GALNTL6: variants seen among roughly 807,000 people sequenced by gnomAD.
The protein encoded by GALNTL6 is polypeptide N-acetylgalactosaminyltransferase like 6, also known as polypeptide N-acetylgalactosaminyltransferase-like 6.
A neutral mutation model predicts 73.7 loss-of-function variants in GALNTL6; 46 were observed. The ratio of observed to expected loss-of-function variants is 0.62; its 90% CI spans 0.49 to 0.80. The LOEUF (loss-of-function observed/expected upper bound fraction) is 0.80, where lower values mean the gene tolerates loss of function less well. Ranked by LOEUF, GALNTL6 falls within the 30% of genes least tolerant of loss-of-function variation. The pLI, the probability that GALNTL6 is intolerant of heterozygous loss-of-function variation, is 0.00. For missense variants in GALNTL6, 604 were observed against 755.0 expected (o/e 0.80, Z 2.34); for synonymous variants, 259 against 263.7 (o/e 0.98, Z 0.17).
intron 5 of GALNTL6, among the ~76,000 whole-genome samples, chr4:172,807,995 G>A (rs1741068068): frequency 6.6e-6 from 1 of 151,994 alleles, no homozygotes; most frequent in Non-Finnish European, 1.5e-5. Flanking sequence ...GCTAATTTTT[G>A]TATTTTTAGT....
In GALNTL6 at chr4:172,650,005, G is replaced by A. The variant is rs139895103; in HGVS notation, c.554-159356G>A. Among the ~76,000 whole-genome samples the A allele has an allele frequency of 1.2e-4, 19 of 152,260 alleles. 1 individual carries two copies. In the East Asian group the frequency reaches 3.7e-3, roughly 29 times the overall value. On this transcript the variant is annotated intron_variant, in intron 5 of 12. Coordinates refer to ENST00000506823, the MANE Select transcript of GALNTL6 (RefSeq NM_001034845.3). ...ATTTGTGTTTTATTAAGCATCCTAGGTACAGAGGTATTCAGCAGAAGAAAG... is the reference window on the plus strand; with the variant it reads ...ATTTGTGTTTTATTAAGCATCCTAGATACAGAGGTATTCAGCAGAAGAAAG...
intron 5 of GALNTL6, among the ~76,000 whole-genome samples, chr4:172,616,821 A>G (rs1738753843): frequency 6.6e-6 from 1 of 152,090 alleles, no homozygotes; most frequent in Non-Finnish European, 1.5e-5. Context: ...CTGAATCTTC[A>G]TGAGTTTCTT....
intron 2 of GALNTL6, among the ~76,000 whole-genome samples, chr4:172,130,020 T>C (rs1733442311): frequency 6.6e-6 from 1 of 152,084 alleles, no homozygotes; most frequent in Non-Finnish European, 1.5e-5. Flanking sequence ...AAGTAAACTA[T>C]GTGTGTGTTC....
chr4:172,826,743 T>A (rs1234553205), intron 7 of GALNTL6, among the ~76,000 whole-genome samples: 1 of 152,176 alleles, frequency 6.6e-6, no homozygotes, highest in African/African-American at 2.4e-5. Context: ...GAATCTCAGG[T>A]CACTGGACAG....
chr4:171,979,383 A>G (rs1458355453), intron 2 of GALNTL6, among the ~76,000 whole-genome samples: 2 of 152,204 alleles, frequency 1.3e-5, no homozygotes, highest in Non-Finnish European at 2.9e-5. Flanking sequence ...ATGATAGACA[A>G]AATGTGAAAG....
At chr4:172,178,744 C>A (rs1445014740) in intron 2 of GALNTL6, among the ~76,000 whole-genome samples, 1 of 130,338 alleles carries the variant, frequency 7.7e-6, no homozygotes, top group South Asian at 2.6e-4. Context: ...CATGCTGGTG[C>A]GCTGCACCCA....
intron 5 of GALNTL6, among the ~76,000 whole-genome samples, chr4:172,626,310 G>A (rs1215141109): frequency 6.6e-6 from 1 of 151,988 alleles, no homozygotes; most frequent in African/African-American, 2.4e-5. Context: ...AGACTTAGTT[G>A]CAGATCAGAT....
At chr4:171,851,527 A>G (rs770652127) in intron 2 of GALNTL6, among the ~76,000 whole-genome samples, 39 of 152,194 alleles carry the variant, frequency 2.6e-4, no homozygotes, top group Non-Finnish European at 4.0e-4. Flanking sequence ...TGCAGGATGA[A>G]AAAAGCAATA....
chr4:172,803,878 T>C (rs1036810150), intron 5 of GALNTL6, among the ~76,000 whole-genome samples: 5 of 152,200 alleles, frequency 3.3e-5, no homozygotes, highest in African/African-American at 9.7e-5. Flanking sequence ...TTCTGTTCCT[T>C]TCTTAGATGG....
chr4:171,965,585 A>G (rs1472040637), intron 2 of GALNTL6, among the ~76,000 whole-genome samples: 1 of 149,104 alleles, frequency 6.7e-6, no homozygotes, highest in Non-Finnish European at 1.5e-5. Context: ...GAACCTGGGA[A>G]GCAGAGCTTG....
intron 5 of GALNTL6, among the ~76,000 whole-genome samples, chr4:172,695,090 G>C (rs755595657): frequency 7.9e-5 from 12 of 152,190 alleles, no homozygotes; most frequent in Non-Finnish European, 1.3e-4. Context: ...ATAGTATATA[G>C]TGTGTCCATC....
chr4:171,960,188 T>C (rs995823129), intron 2 of GALNTL6, among the ~76,000 whole-genome samples: 1 of 152,226 alleles, frequency 6.6e-6, no homozygotes, highest in Admixed American at 6.5e-5. Context: ...GCACTGCCTC[T>C]AACATCAGGG....
chr4:172,424,253 T>C lies in GALNTL6; in HGVS notation c.553+75564T>C, dbSNP rs554722117. On this transcript the variant is annotated intron_variant, in intron 5 of 12. Transcript: ENST00000506823. ...AATTTTATTTATTTTTCCCCTTTTC[T>C]GTGGTGCTGATAACTTTGCAATTAT... Among the ~76,000 whole-genome samples, 6 of 152,274 alleles carry C rather than the reference T, an allele frequency of 3.9e-5. No individual in the cohort carries two copies. In the East Asian group the frequency reaches 1.2e-3, roughly 29 times the overall value.
intron 5 of GALNTL6, among the ~76,000 whole-genome samples, chr4:172,681,072 G>A (rs1732608104): frequency 6.6e-6 from 1 of 152,054 alleles, no homozygotes; most frequent in Admixed American, 6.6e-5. Context: ...GGGACCCTTA[G>A]GTGCCCTTGC....
intron 2 of GALNTL6, among the ~76,000 whole-genome samples, chr4:172,097,427 C>T (rs1732386299): frequency 6.6e-6 from 1 of 152,118 alleles, no homozygotes; most frequent in African/African-American, 2.4e-5. Flanking sequence ...GAGCTCTGCC[C>T]ATTATGAGGA....
chr4:172,512,622 T>C (rs575921662), intron 5 of GALNTL6, among the ~76,000 whole-genome samples: 1 of 152,294 alleles, frequency 6.6e-6, no homozygotes, highest in Non-Finnish European at 1.5e-5. Flanking sequence ...TAACAGTTCT[T>C]GTAGTGCTGG....
chr4:172,604,566 T>C (rs1738189177), intron 5 of GALNTL6, among the ~76,000 whole-genome samples: 1 of 152,218 alleles, frequency 6.6e-6, no homozygotes, highest in African/African-American at 2.4e-5. Flanking sequence ...GAAAATGTTT[T>C]ATTGAATGAT....
intron 5 of GALNTL6, among the ~76,000 whole-genome samples, chr4:172,622,988 T>G (rs1382708201): frequency 6.6e-5 from 10 of 152,186 alleles, no homozygotes; most frequent in Admixed American, 6.6e-4. Context: ...ACTAAGAGAT[T>G]TAAGTTAGAG....
At chr4:172,465,552 T>G (rs1732783149) in intron 5 of GALNTL6, among the ~76,000 whole-genome samples, 1 of 152,124 alleles carries the variant, frequency 6.6e-6, no homozygotes, top group Non-Finnish European at 1.5e-5. Context: ...TTTTAAAAAT[T>G]TATGTTTTTA....
Sources: allele counts gnomAD v4.1 joint callset (sites outside exome capture counted in the v4.1 genomes callset), GRCh38; gene constraint gnomAD v4.1.1; transcripts MANE v1.5; gene names NCBI Gene and HGNC (gene_info 2026-07-23, HGNC 2026-07-21).